Variants in PDZRN3 observed in about 807,000 individuals in gnomAD.
PDZRN3 encodes the protein PDZ domain containing ring finger 3.
PDZRN3 carries 38 observed loss-of-function variants against 85.7 expected under a neutral mutation model. The ratio of observed to expected loss-of-function variants is 0.44; its 90% confidence interval spans 0.34 to 0.58. The LOEUF (loss-of-function observed/expected upper bound fraction) is 0.58. Ranked by LOEUF, PDZRN3 falls within the 20% of genes least tolerant of loss-of-function variation. The pLI, the probability that PDZRN3 is intolerant of heterozygous loss-of-function variation, is 0.01. For synonymous variants in PDZRN3, 759 were observed against 638.0 expected (o/e 1.19, Z -2.86); for missense variants, 1,629 against 1,506.4 (o/e 1.08, Z -1.35).
chr3:73,486,803 C>T (rs540565060), intron 3 of PDZRN3, among the ~76,000 whole-genome samples: 4 of 152,176 alleles, frequency 2.6e-5, no homozygotes, highest in Admixed American at 6.5e-5. Flanking sequence ...AACAACTAAA[C>T]GTTATCATCG....
chr3:73,517,316 A>G (rs1056348084), intron 3 of PDZRN3, among the ~76,000 whole-genome samples: 4 of 152,192 alleles, frequency 2.6e-5, no homozygotes, highest in Non-Finnish European at 4.4e-5. Flanking sequence ...TAAATTTATA[A>G]TCCTAGTTTG....
chr3:73,542,463 A>C (rs899759018), intron 3 of PDZRN3, among the ~76,000 whole-genome samples: 1 of 152,116 alleles, frequency 6.6e-6, no homozygotes, highest in Non-Finnish European at 1.5e-5. Flanking sequence ...ACCATGACAT[A>C]AAAAAAGGCA....
rs141982111 is a variant in PDZRN3 at position 73,456,276 on chromosome 3, G to A, written c.919-51881C>T. The stretch of plus-strand genomic sequence containing the variant: ...CCCTCCCTTCTGTGGAATAATTAAG[G>A]TCAGATGGTGAAACTTTCCTAGAGT... On this transcript the variant is annotated intron_variant, in intron 3 of 9. Transcript: ENST00000263666. Among the ~76,000 whole-genome samples the A allele has an allele frequency of 5.2e-3, 788 of 152,208 alleles. 5 individuals are homozygous for A. Among genetic ancestry groups the A allele is most frequent in the African/African-American group, 0.018 (754 of 41,520 alleles).
intron 3 of PDZRN3, chr3:73,557,020 T>C (rs9818213): frequency 0.86 from 131,366 of 152,170 alleles, 56,741 homozygotes; most frequent in East Asian, 0.9. Flanking sequence ...GACAATGAGA[T>C]GCCCAGGAGC....
intron 3 of PDZRN3, among the ~76,000 whole-genome samples, chr3:73,580,790 C>T (rs1047314285): frequency 2.0e-5 from 3 of 152,202 alleles, no homozygotes; most frequent in Admixed American, 2.0e-4. Flanking sequence ...TGGACCTTTT[C>T]CTATACCTCT....
intron 3 of PDZRN3, among the ~76,000 whole-genome samples, chr3:73,483,106 C>T (rs188909774): frequency 1.0e-3 from 153 of 152,212 alleles, no homozygotes; most frequent in Admixed American, 1.8e-3. Flanking sequence ...GGTCAATTAA[C>T]AAAGAAAAGA....
At position 73,454,478 on chromosome 3, in the gene PDZRN3, C is replaced by T. The variant is rs78745184; in HGVS notation, c.919-50083G>A. Among the ~76,000 whole-genome samples the T allele has an allele frequency of 1.3e-3, 194 of 152,294 alleles. 1 individual carries two copies. The highest frequency in any genetic ancestry group is 4.4e-3 in the African/African-American group (184 of 41,558). On this transcript the variant is annotated intron_variant, in intron 3 of 9. Transcript: ENST00000263666. ...TAATGAAAAAGGGGCTGATTTGAGT[C>T]GTCCAAGAGTTCCTGATACCTGACT...
At chr3:73,571,576 T>C (rs1434093062) in intron 3 of PDZRN3, among the ~76,000 whole-genome samples, 1 of 152,158 alleles carries the variant, frequency 6.6e-6, no homozygotes, top group Non-Finnish European at 1.5e-5. Flanking sequence ...GGGGCTGTGC[T>C]AAAGTACATT....
At chr3:73,474,337 T>C (rs1415696552) in intron 3 of PDZRN3, 1 of 463,440 alleles carries the variant, frequency 2.2e-6, no homozygotes, top group Non-Finnish European at 3.4e-6. Context: ...TTAGGAAGTT[T>C]ACTTTACCTA....
At chr3:73,416,348 C>T (rs1444406526) in intron 3 of PDZRN3, among the ~76,000 whole-genome samples, 1 of 152,016 alleles carries the variant, frequency 6.6e-6, no homozygotes, top group Non-Finnish European at 1.5e-5. Context: ...AATGCAAACA[C>T]TAAATTTCAA....
intron 2 of PDZRN3, among the ~76,000 whole-genome samples, chr3:73,604,164 C>A (rs1056462792): frequency 9.2e-5 from 14 of 152,202 alleles, no homozygotes; most frequent in African/African-American, 3.4e-4. Flanking sequence ...CCTTTACCAT[C>A]TGAATACCTC....
chr3:73,520,262 TGG>T (rs2106726979), intron 3 of PDZRN3, among the ~76,000 whole-genome samples: 1 of 152,222 alleles, frequency 6.6e-6, no homozygotes, highest in African/African-American at 2.4e-5. Context: ...CCAGCACTTT[TGG>T]GAGGCTGAGG....
At chr3:73,411,496 G>A (rs889730631) in intron 3 of PDZRN3, among the ~76,000 whole-genome samples, 1 of 152,216 alleles carries the variant, frequency 6.6e-6, no homozygotes, top group Non-Finnish European at 1.5e-5. Context: ...CAGTGGGCTA[G>A]AGGCCGTGTC....
chr3:73,386,225 A>AATTTTTT, intron 8 of PDZRN3, among the ~76,000 whole-genome samples: 2 of 38,660 alleles, frequency 5.2e-5, no homozygotes, highest in African/African-American at 9.2e-5. Flanking sequence ...GCAAGATATC[A>AATTTTTT]CTTTTTTTTT....
At chr3:73,557,127 G>T (rs12489139) in intron 3 of PDZRN3, among the ~76,000 whole-genome samples, 1 of 151,966 alleles carries the variant, frequency 6.6e-6, no homozygotes, top group African/African-American at 2.4e-5. Context: ...TTGGTCAAAG[G>T]CTCTTTCCCC....
chr3:73,385,701 C>T lies in PDZRN3; in HGVS notation c.1603G>A (p.Ala535Thr). Residue 535 changes from alanine (A) to threonine (T), a missense_variant, in exon 9 of 10, where the codon GCC becomes ACC. Physicochemically the swap from Ala to Thr is moderately conservative, Grantham distance 58. Coordinates refer to ENST00000263666, the MANE Select transcript of PDZRN3 (RefSeq NM_015009.3). The part of the protein sequence containing the change: ...MDMLEEQHHQ[A>T]MQFTASVLQQ... ...AGCACGCTAGCTGTGAATTGCATGG[C>T]CTGGTGGTGCTGCTCCTCCAGCATG... is the stretch of plus-strand genomic sequence containing the variant. 6.2e-7 allele frequency: 1 copy of T among 1,612,952 alleles called. No individual in the cohort carries two copies. The highest frequency in any genetic ancestry group is 8.5e-7 in the Non-Finnish European group (1 of 1,179,030).
intron 3 of PDZRN3, among the ~76,000 whole-genome samples, chr3:73,596,061 T>C (rs1393547702): frequency 6.6e-6 from 1 of 152,072 alleles, no homozygotes; most frequent in African/African-American, 2.4e-5. Context: ...GACAGAAGAT[T>C]AACCTGGAGT....
At chr3:73,560,412 G>A (rs1341112898) in intron 3 of PDZRN3, among the ~76,000 whole-genome samples, 2 of 152,170 alleles carry the variant, frequency 1.3e-5, no homozygotes, top group African/African-American at 2.4e-5. Flanking sequence ...CTATATAAGG[G>A]TGTGTTTGGG....
chr3:73,516,679 T>C (rs944221720), intron 3 of PDZRN3, among the ~76,000 whole-genome samples: 1 of 152,198 alleles, frequency 6.6e-6, no homozygotes, highest in African/African-American at 2.4e-5. Flanking sequence ...AAAAAATAGA[T>C]TTAGATTCAG....
Sources: allele counts gnomAD v4.1 joint callset (sites outside exome capture counted in the v4.1 genomes callset), GRCh38; gene constraint gnomAD v4.1.1; transcripts MANE v1.5; gene names NCBI Gene and HGNC (gene_info 2026-07-23, HGNC 2026-07-21).